MYO5C: variants seen among roughly 807,000 people sequenced by gnomAD.
MYO5C encodes the protein unconventional myosin-Vc.
MYO5C carries 194 observed loss-of-function variants against 235.7 expected under a neutral mutation model. The observed-to-expected ratio is 0.82, with a 90% CI of 0.73 to 0.93. MYO5C has a LOEUF of 0.93. Ranked by LOEUF, MYO5C falls within the 40% of genes least tolerant of loss-of-function variation. The pLI, the probability that MYO5C is intolerant of heterozygous loss-of-function variation, is 0.00. For synonymous variants in MYO5C, 707 were observed against 754.8 expected (o/e 0.94, Z 1.04); for missense variants, 2,038 against 2,127.2 (o/e 0.96, Z 0.82).
intron 5 of MYO5C, 60 bp downstream of exon 5, chr15:52,275,502 A>C: frequency 1.2e-6 from 2 of 1,605,870 alleles, no homozygotes; most frequent in Non-Finnish European, 1.7e-6. Context: ...GAGAGCACAC[A>C]AACCAACCAA....
chr15:52,256,387 G>A (rs1244139243), intron 11 of MYO5C, among the ~76,000 whole-genome samples: 3 of 152,068 alleles, frequency 2.0e-5, no homozygotes, highest in South Asian at 2.1e-4. Context: ...CTGCACAGAG[G>A]GTCTGTATCC....
intron 10 of MYO5C, among the ~76,000 whole-genome samples, chr15:52,258,450 G>A (rs1008837373): frequency 2.0e-5 from 3 of 152,282 alleles, no homozygotes; most frequent in East Asian, 3.9e-4. Flanking sequence ...TGGGTCCAAA[G>A]AACATAAATA....
At chr15:52,224,497 G>A (rs965586483) in intron 28 of MYO5C, among the ~76,000 whole-genome samples, 3 of 152,186 alleles carry the variant, frequency 2.0e-5, no homozygotes, top group African/African-American at 7.2e-5. Context: ...GGTTGTGTGT[G>A]TGTGGTGGCA....
At position 52,279,694 on chromosome 15, in the gene MYO5C, T is replaced by C. The variant is rs746663977; in HGVS notation, c.139-20A>G. 14 of 1,592,492 alleles carry C rather than the reference T, an allele frequency of 8.8e-6. No individual in the cohort carries two copies. The highest frequency in any genetic ancestry group is 1.2e-5 in the Non-Finnish European group (14 of 1,163,118). On this transcript the variant is annotated intron_variant, in intron 2 of 40. Transcript: ENST00000261839. ...CAGCTCCTATGGACAAAGATAAAAA[T>C]TAAAGCTCTGGAAATAAAAGATTTT...
At chr15:52,196,625 G>A in intron 38 of MYO5C, 142 bp from the exon 39 acceptor site, 1 of 730,022 alleles carries the variant, frequency 1.4e-6, no homozygotes. Context: ...GAGGGAGTTG[G>A]ACTGATGATC....
chr15:52,277,330 G>T, intron 4 of MYO5C: 1 of 490,462 alleles, frequency 2.0e-6, no homozygotes, highest in Admixed American at 2.6e-5. Context: ...GTGCCAAAGA[G>T]CTCATCCCAC....
chr15:52,256,144 C>T (rs2036572025), intron 11 of MYO5C, among the ~76,000 whole-genome samples: 1 of 152,154 alleles, frequency 6.6e-6, no homozygotes, highest in African/African-American at 2.4e-5. Flanking sequence ...ATGATAATTC[C>T]ATGTGACAGG....
chr15:52,208,841 G>A (rs1379994679), intron 35 of MYO5C, among the ~76,000 whole-genome samples, 198 bp from the exon 36 acceptor site: 1 of 152,158 alleles, frequency 6.6e-6, no homozygotes, highest in Non-Finnish European at 1.5e-5. Context: ...TTCTGTACAG[G>A]TTGTGTCACT....
chr15:52,252,025 G>A (rs144708095), intron 12 of MYO5C, among the ~76,000 whole-genome samples: 7 of 151,748 alleles, frequency 4.6e-5, no homozygotes, highest in Non-Finnish European at 8.8e-5. Flanking sequence ...TAATCTTTAG[G>A]GCACTTTAAA....
At chr15:52,211,974 T>C in intron 34 of MYO5C, 90 bp from the exon 35 acceptor site, 1 of 1,380,006 alleles carries the variant, frequency 7.2e-7, no homozygotes. Flanking sequence ...CTTGTTTGCT[T>C]TTCTGTGCTT....
At chr15:52,236,143 T>G (rs1380305922) in intron 22 of MYO5C, among the ~76,000 whole-genome samples, 1 of 152,254 alleles carries the variant, frequency 6.6e-6, no homozygotes, top group East Asian at 1.9e-4. Flanking sequence ...ATTCACACTT[T>G]GCAACTGTTA....
At chr15:52,205,642 T>G (rs2035295138) in intron 37 of MYO5C, 174 bp downstream of exon 37, 2 of 436,260 alleles carry the variant, frequency 4.6e-6, no homozygotes. Flanking sequence ...GTACTATTAT[T>G]TATGGAATCA....
chr15:52,285,843 C>T (rs1321729807), intron 1 of MYO5C, among the ~76,000 whole-genome samples: 1 of 152,234 alleles, frequency 6.6e-6, no homozygotes, highest in African/African-American at 2.4e-5. Context: ...CAGCCGCCTG[C>T]CTTGGCCTCC....
At chr15:52,292,939 T>G (rs1042979778) in intron 1 of MYO5C, among the ~76,000 whole-genome samples, 1 of 152,220 alleles carries the variant, frequency 6.6e-6, no homozygotes, top group Non-Finnish European at 1.5e-5. Flanking sequence ...TGGCAGAGCA[T>G]GAGCCAGGTA....
chr15:52,270,989 C>T (rs1596216893), intron 7 of MYO5C, among the ~76,000 whole-genome samples: 1 of 152,186 alleles, frequency 6.6e-6, no homozygotes, highest in East Asian at 1.9e-4. Flanking sequence ...GCCTTTTGTA[C>T]TGAAGGACAA....
chr15:52,279,968 G>A (rs895101857), intron 2 of MYO5C, among the ~76,000 whole-genome samples: 1 of 152,158 alleles, frequency 6.6e-6, no homozygotes. Context: ...GATCTACAGA[G>A]GCCTCAATAA....
chr15:52,262,409 G>C (rs1566984892), intron 9 of MYO5C, among the ~76,000 whole-genome samples: 1 of 152,138 alleles, frequency 6.6e-6, no homozygotes, highest in Non-Finnish European at 1.5e-5. Flanking sequence ...GCATTTGTTG[G>C]GTAGAAATCA....
intron 24 of MYO5C, among the ~76,000 whole-genome samples, chr15:52,231,098 G>A (rs1402303466): frequency 2.6e-5 from 4 of 152,180 alleles, no homozygotes; most frequent in African/African-American, 9.7e-5. Context: ...AAAGTGCTGG[G>A]ATTACAGGTG....
At chr15:52,271,916 A>C in intron 6 of MYO5C, 72 bp from the exon 7 acceptor site, 1 of 908,530 alleles carries the variant, frequency 1.1e-6, no homozygotes, top group Non-Finnish European at 1.7e-6. Flanking sequence ...TTTTAACTAG[A>C]GGGTCCTAGA....
Sources: gnomAD v4.1 joint callset for allele counts (sites outside exome capture counted in the v4.1 genomes callset) on GRCh38, gnomAD v4.1.1 for gene constraint, MANE v1.5 for transcripts, NCBI Gene and HGNC (gene_info 2026-07-23, HGNC 2026-07-21) for gene names.